Variants in ENTREP1 observed in about 807,000 individuals in gnomAD.
ENTREP1 encodes the protein Friedreich ataxia region gene X123.
chr9:69,365,561 A>C, the ENTREP1 span, among the ~76,000 whole-genome samples: 66,463 of 151,864 alleles, frequency 0.44, 15,021 homozygotes, highest in African/African-American at 0.55. Flanking sequence ...AATATGCAAT[A>C]TATTTTTGTT....
chr9:69,377,793 T>A, the ENTREP1 span: 3 of 1,550,330 alleles, frequency 1.9e-6, no homozygotes, highest in Admixed American at 5.7e-5. Context: ...CTGTGGGTTC[T>A]GAAGACTGAA....
chr9:69,334,429 T>TGC, the ENTREP1 span, among the ~76,000 whole-genome samples: 3 of 152,184 alleles, frequency 2.0e-5, no homozygotes, highest in African/African-American at 7.2e-5. Context: ...TACTCTCAGC[T>TGC]AGTGAGAATG....
chr9:69,342,390 A>G, the ENTREP1 span, among the ~76,000 whole-genome samples: 1 of 152,160 alleles, frequency 6.6e-6, no homozygotes, highest in Admixed American at 6.5e-5. Context: ...CTCCTCCATT[A>G]GCCAATCGGT....
chr9:69,340,668 T>TGTGTGTGCGC, the ENTREP1 span, among the ~76,000 whole-genome samples: 570 of 142,284 alleles, frequency 4.0e-3, 9 homozygotes, highest in African/African-American at 0.014. Flanking sequence ...TGTGTGTGCG[T>TGTGTGTGCGC]GTGTGTGTGC....
chr9:69,347,045 G>A, the ENTREP1 span, among the ~76,000 whole-genome samples: 1 of 152,362 alleles, frequency 6.6e-6, no homozygotes, highest in Non-Finnish European at 1.5e-5. Flanking sequence ...GGAGCACCCT[G>A]TGGCCTCAGA....
the ENTREP1 span, chr9:69,336,221 C>T: frequency 1.3e-6 from 2 of 1,566,512 alleles, no homozygotes. Context: ...AGGTGATACT[C>T]TCTGGAATCA....
At chr9:69,331,573 C>A in the ENTREP1 span, among the ~76,000 whole-genome samples, 1 of 152,156 alleles carries the variant, frequency 6.6e-6, no homozygotes, top group East Asian at 1.9e-4. Context: ...TAGGTTCTTA[C>A]CTGTTCATTC....
chr9:69,383,459 T>A, the ENTREP1 span: 1 of 1,483,658 alleles, frequency 6.7e-7, no homozygotes, highest in Non-Finnish European at 8.9e-7. Context: ...CTCTGGCCAC[T>A]TCGTCGGAGA....
At chr9:69,375,783 A>C in the ENTREP1 span, 1 of 1,614,014 alleles carries the variant, frequency 6.2e-7, no homozygotes, top group Non-Finnish European at 8.5e-7. Context: ...AAGAATTTCA[A>C]CCAGCCAAGT....
the ENTREP1 span, among the ~76,000 whole-genome samples, chr9:69,390,509 G>A: frequency 6.6e-6 from 1 of 152,124 alleles, no homozygotes; most frequent in Non-Finnish European, 1.5e-5. Context: ...AATTATGTTT[G>A]TGACACATTG....
At chr9:69,326,187 TG>T in the ENTREP1 span, among the ~76,000 whole-genome samples, 1 of 152,182 alleles carries the variant, frequency 6.6e-6, no homozygotes, top group Non-Finnish European at 1.5e-5. Flanking sequence ...ACAGTTTGAC[TG>T]GGGCACATCG....
At chr9:69,344,912 A>G in the ENTREP1 span, among the ~76,000 whole-genome samples, 2 of 152,192 alleles carry the variant, frequency 1.3e-5, no homozygotes, top group Non-Finnish European at 2.9e-5. Context: ...CTTGCAAGAA[A>G]TTCCTTTTCT....
the ENTREP1 span, among the ~76,000 whole-genome samples, chr9:69,351,459 C>T: frequency 1.3e-5 from 2 of 152,176 alleles, no homozygotes; most frequent in Non-Finnish European, 2.9e-5. Flanking sequence ...CTCTGTCCCC[C>T]AGGCTAGAGT....
chr9:69,325,687 G>A, the ENTREP1 span: 5 of 1,231,296 alleles, frequency 4.1e-6, no homozygotes, highest in Non-Finnish European at 5.1e-6. Context: ...GCTCCCCGCA[G>A]GTGAAGAACT....
chr9:69,353,934 TCCATGTAC>T, the ENTREP1 span, among the ~76,000 whole-genome samples: 1 of 152,136 alleles, frequency 6.6e-6, no homozygotes, highest in Non-Finnish European at 1.5e-5. Context: ...TACAAAACCC[TCCATGTAC>T]CCATTGCCCA....
the ENTREP1 span, among the ~76,000 whole-genome samples, chr9:69,370,151 A>T: frequency 6.6e-6 from 1 of 152,178 alleles, no homozygotes; most frequent in East Asian, 1.9e-4. Flanking sequence ...GATGGGCATT[A>T]TAACCACACT....
At chr9:69,343,392 A>C in the ENTREP1 span, among the ~76,000 whole-genome samples, 1 of 152,214 alleles carries the variant, frequency 6.6e-6, no homozygotes, top group African/African-American at 2.4e-5. Flanking sequence ...AGTTCTCAGA[A>C]GGGATGAGCC....
At chr9:69,347,068 A>G in the ENTREP1 span, among the ~76,000 whole-genome samples, 1 of 152,248 alleles carries the variant, frequency 6.6e-6, no homozygotes, top group Non-Finnish European at 1.5e-5. Context: ...TAAAGCCTGC[A>G]GTTGGAAATA....
chr9:69,378,784 C>T, the ENTREP1 span, among the ~76,000 whole-genome samples: 8 of 151,872 alleles, frequency 5.3e-5, no homozygotes, highest in African/African-American at 1.9e-4. Flanking sequence ...TGACTTCATT[C>T]GTTTATTCAT....
Sources: gnomAD v4.1 joint callset for allele counts (sites outside exome capture counted in the v4.1 genomes callset) on GRCh38, gnomAD v4.1.1 for gene constraint, MANE v1.5 for transcripts, NCBI Gene and HGNC (gene_info 2026-07-23, HGNC 2026-07-21) for gene names.